PEAK1: variants seen among roughly 807,000 people sequenced by gnomAD.
The protein encoded by PEAK1 is pseudopodium enriched atypical kinase 1, also known as inactive tyrosine-protein kinase PEAK1.
A neutral mutation model predicts 124.7 loss-of-function variants in PEAK1; 54 were observed. The observed-to-expected ratio is 0.43, with a 90% confidence interval of 0.35 to 0.54. The LOEUF (loss-of-function observed/expected upper bound fraction) is 0.54, where lower values mean the gene tolerates loss of function less well. Among genes scored for constraint, PEAK1 ranks in the 20% least tolerant of loss-of-function variants. The pLI, the probability that PEAK1 is intolerant of heterozygous loss-of-function variation, is 0.01. For synonymous variants in PEAK1, 719 were observed against 760.0 expected (o/e 0.95, Z 0.89); for missense variants, 2,046 against 2,134.5 (o/e 0.96, Z 0.82).
chr15:77,296,652 GA>G (rs983721426), intron 2 of PEAK1, among the ~76,000 whole-genome samples: 1 of 149,874 alleles, frequency 6.7e-6, no homozygotes, highest in South Asian at 2.1e-4. Context: ...ATGACAAATT[GA>G]AAAAAAAGTA....
chr15:77,180,836 ATCT>A lies in PEAK1; in HGVS notation c.1088_1090del (p.Lys363del). On this transcript the variant is annotated inframe_deletion, in exon 7 of 10. Coordinates refer to ENST00000682557, the MANE Select transcript of PEAK1 (RefSeq NM_001385026.1). ...ACCAGGAGATAATCCCCCATTACAA[ATCT>A]TCTGGGATAAACTACTGGCTGTCTC... The A allele has an allele frequency of 6.2e-7, 1 of 1,613,786 alleles. No homozygotes were observed. Among genetic ancestry groups the A allele is most frequent in the Non-Finnish European group, 8.5e-7 (1 of 1,179,862 alleles).
intron 1 of PEAK1, among the ~76,000 whole-genome samples, chr15:77,405,951 T>C (rs2071780307): frequency 1.3e-5 from 2 of 152,216 alleles, no homozygotes; most frequent in Admixed American, 1.3e-4. Flanking sequence ...ATTATTTCTA[T>C]GCTGCTTATG....
intron 5 of PEAK1, among the ~76,000 whole-genome samples, chr15:77,275,985 T>C (rs528007907): frequency 1.3e-5 from 2 of 152,038 alleles, no homozygotes; most frequent in African/African-American, 4.8e-5. Context: ...ATGGGTTCAA[T>C]AGCAGAATGG....
intron 2 of PEAK1, among the ~76,000 whole-genome samples, chr15:77,329,994 G>A (rs779121776): frequency 3.9e-5 from 6 of 151,902 alleles, no homozygotes; most frequent in Non-Finnish European, 7.4e-5. Flanking sequence ...CAAGACAGAA[G>A]TGACTACCTA....
intron 1 of PEAK1, among the ~76,000 whole-genome samples, chr15:77,376,257 G>A (rs2069020001): frequency 6.6e-6 from 1 of 152,084 alleles, no homozygotes. Flanking sequence ...ACAAGTTAAT[G>A]ACTTGGCTAA....
At chr15:77,374,937 A>C (rs1246447532) in intron 1 of PEAK1, among the ~76,000 whole-genome samples, 1 of 152,190 alleles carries the variant, frequency 6.6e-6, no homozygotes, top group Non-Finnish European at 1.5e-5. Context: ...ATTAAGAAAA[A>C]CCATTCTGAT....
At chr15:77,244,703 C>T (rs1265582986) in intron 6 of PEAK1, among the ~76,000 whole-genome samples, 1 of 152,060 alleles carries the variant, frequency 6.6e-6, no homozygotes, top group Admixed American at 6.5e-5. Context: ...ATTCTCATGC[C>T]TCAGCCTCCC....
At chr15:77,411,911 C>G (rs923975479) in intron 1 of PEAK1, among the ~76,000 whole-genome samples, 2 of 152,158 alleles carry the variant, frequency 1.3e-5, no homozygotes, top group Non-Finnish European at 2.9e-5. Context: ...CACACCCAGC[C>G]CCTAGTACTT....
chr15:77,217,150 G>A (rs551037080), intron 6 of PEAK1, among the ~76,000 whole-genome samples: 1 of 143,836 alleles, frequency 7.0e-6, no homozygotes, highest in East Asian at 2.2e-4. Flanking sequence ...GATCACTTGA[G>A]TATGAGATGT....
intron 1 of PEAK1, among the ~76,000 whole-genome samples, chr15:77,398,410 T>G (rs1021055695): frequency 6.6e-6 from 1 of 152,186 alleles, no homozygotes; most frequent in African/African-American, 2.4e-5. Flanking sequence ...AAAAAGACCA[T>G]TCATCATGAT....
chr15:77,290,186 A>G (rs2063144063), intron 2 of PEAK1, among the ~76,000 whole-genome samples: 1 of 152,068 alleles, frequency 6.6e-6, no homozygotes, highest in African/African-American at 2.4e-5. Context: ...AGCGCAGTCC[A>G]CAATCTTGGC....
intron 2 of PEAK1, chr15:77,338,099 T>A: frequency 1.0e-6 from 1 of 984,142 alleles, no homozygotes; most frequent in Non-Finnish European, 1.2e-6. Flanking sequence ...AATGAAAGGG[T>A]AAATAAGCAA....
chr15:77,297,695 G>T (rs1266110787), intron 2 of PEAK1, among the ~76,000 whole-genome samples: 1 of 139,970 alleles, frequency 7.1e-6, no homozygotes, highest in Admixed American at 7.3e-5. Context: ...GGAGGCAGAG[G>T]TTGCAGTGAG....
chr15:77,115,387 T>A, intron 9 of PEAK1, 68 bp from the exon 10 acceptor site: 2 of 1,422,032 alleles, frequency 1.4e-6, no homozygotes, highest in African/African-American at 2.9e-5. Context: ...TCAGGGAAGA[T>A]TAACTGGAAG....
At chr15:77,369,150 T>C (rs1464035161) in intron 1 of PEAK1, among the ~76,000 whole-genome samples, 2 of 152,212 alleles carry the variant, frequency 1.3e-5, no homozygotes, top group East Asian at 3.8e-4. Flanking sequence ...CTAGTAAAGA[T>C]GAGTAAAATA....
chr15:77,213,231 TG>T (rs1246089750), intron 6 of PEAK1, among the ~76,000 whole-genome samples: 1 of 151,998 alleles, frequency 6.6e-6, no homozygotes, highest in Non-Finnish European at 1.5e-5. Flanking sequence ...AAATAAAAAA[TG>T]GTCCCTATAC....
intron 6 of PEAK1, among the ~76,000 whole-genome samples, chr15:77,194,501 G>T (rs1225692386): frequency 2.0e-5 from 3 of 152,048 alleles, no homozygotes; most frequent in African/African-American, 7.2e-5. Context: ...AAATCCTATA[G>T]ATCTTTTGAT....
At chr15:77,294,261 G>C (rs898333562) in intron 2 of PEAK1, among the ~76,000 whole-genome samples, 6 of 152,180 alleles carry the variant, frequency 3.9e-5, no homozygotes, top group Admixed American at 2.6e-4. Flanking sequence ...GAATGTATGA[G>C]TCTAATAAAG....
chr15:77,113,841 C>T lies in PEAK1; in HGVS notation c.*315G>A. 3.0e-6 allele frequency: 1 copy of T among 335,726 alleles called. No homozygotes were observed. Among genetic ancestry groups the T allele is most frequent in the Non-Finnish European group, 5.5e-6 (1 of 182,062 alleles). The allele number at this position is 335,726 out of a possible 1,614,324, so 20.8% of individuals were successfully genotyped here. ...ACACAGCTCACTGGCTGAGTTCATACCAAAGAAGCTGTCCCTTCAAGAATA... is the reference window on the plus strand; with the variant it reads ...ACACAGCTCACTGGCTGAGTTCATATCAAAGAAGCTGTCCCTTCAAGAATA... On this transcript the variant is annotated 3_prime_UTR_variant, in exon 10 of 10. Coordinates refer to ENST00000682557, the MANE Select transcript of PEAK1 (RefSeq NM_001385026.1).
Sources: gnomAD v4.1 joint callset for allele counts (sites outside exome capture counted in the v4.1 genomes callset) on GRCh38, gnomAD v4.1.1 for gene constraint, MANE v1.5 for transcripts, NCBI Gene and HGNC (gene_info 2026-07-23, HGNC 2026-07-21) for gene names.